GPR39: variants seen among roughly 807,000 people sequenced by gnomAD.
GPR39 encodes the protein G protein-coupled receptor 39.
GPR39 carries 23 observed loss-of-function variants against 18.4 expected under a neutral mutation model. The ratio of observed to expected loss-of-function variants is 1.25; its 90% confidence interval spans 0.90 to 1.77. The LOEUF (loss-of-function observed/expected upper bound fraction) is 1.77. Among genes scored for constraint, GPR39 ranks in the 40% most tolerant of loss-of-function variants. The pLI is 0.00. For synonymous variants in GPR39, 280 were observed against 257.9 expected, an observed-to-expected ratio of 1.09 and a Z score of -0.82; for missense variants, 647 against 602.4, an observed-to-expected ratio of 1.07 and a Z score of -0.78.
chr2:132,469,753 A>T (rs1680996720), intron 1 of GPR39, among the ~76,000 whole-genome samples: 1 of 152,190 alleles, frequency 6.6e-6, no homozygotes, highest in South Asian at 2.1e-4. Context: ...ATTACTGTTA[A>T]TAGGAGCCTC....
chr2:132,614,245 C>T (rs937223931), intron 1 of GPR39, among the ~76,000 whole-genome samples: 21 of 150,874 alleles, frequency 1.4e-4, no homozygotes, highest in African/African-American at 3.2e-4. Context: ...CTTGCTCTGT[C>T]GCACAGACTG....
At chr2:132,482,660 T>C (rs1681257185) in intron 1 of GPR39, among the ~76,000 whole-genome samples, 1 of 152,188 alleles carries the variant, frequency 6.6e-6, no homozygotes. Flanking sequence ...TAATTTACAT[T>C]CCCTCACAAA....
At chr2:132,441,916 T>C (rs774021037) in intron 1 of GPR39, among the ~76,000 whole-genome samples, 1 of 152,198 alleles carries the variant, frequency 6.6e-6, no homozygotes, top group Non-Finnish European at 1.5e-5. Flanking sequence ...TTCACCTGCT[T>C]CTGGAGATGA....
At chr2:132,455,397 G>T (rs547406413) in intron 1 of GPR39, among the ~76,000 whole-genome samples, 102 of 152,048 alleles carry the variant, frequency 6.7e-4, no homozygotes, top group Admixed American at 9.2e-4. Context: ...TCTTGCTAGT[G>T]GTCTATCAAT....
intron 1 of GPR39, among the ~76,000 whole-genome samples, chr2:132,479,840 C>T (rs986001842): frequency 2.0e-5 from 3 of 151,718 alleles, no homozygotes; most frequent in Admixed American, 2.0e-4. Context: ...ATCTAGCAAT[C>T]CCACTTCTGG....
chr2:132,450,005 C>T (rs1680605110), intron 1 of GPR39, among the ~76,000 whole-genome samples: 1 of 152,168 alleles, frequency 6.6e-6, no homozygotes, highest in African/African-American at 2.4e-5. Flanking sequence ...AAAAGGCAGG[C>T]CAGGCAGAAA....
At chr2:132,604,853 T>C (rs773245332) in intron 1 of GPR39, 1 of 152,188 alleles carries the variant, frequency 6.6e-6, no homozygotes, top group Admixed American at 6.5e-5. Context: ...GCTTGGAAAG[T>C]AAGGAGCAGC....
intron 1 of GPR39, among the ~76,000 whole-genome samples, chr2:132,524,270 C>T (rs1354353163): frequency 6.6e-6 from 1 of 152,210 alleles, no homozygotes; most frequent in Non-Finnish European, 1.5e-5. Context: ...GCACTTTGTT[C>T]ACAATCCATC....
chr2:132,635,897 ATG>A (rs1370654116), intron 1 of GPR39, among the ~76,000 whole-genome samples: 1 of 152,192 alleles, frequency 6.6e-6, no homozygotes, highest in Non-Finnish European at 1.5e-5. Flanking sequence ...ATGTCGGAGA[ATG>A]CAGAGAGATG....
chr2:132,459,004 G>A (rs890289722), intron 1 of GPR39, among the ~76,000 whole-genome samples: 7 of 152,148 alleles, frequency 4.6e-5, no homozygotes, highest in African/African-American at 1.7e-4. Context: ...CTGCATTTTA[G>A]AGCCCATTTC....
chr2:132,581,958 AT>A (rs895165014), intron 1 of GPR39, among the ~76,000 whole-genome samples: 1 of 152,230 alleles, frequency 6.6e-6, no homozygotes, highest in African/African-American at 2.4e-5. Flanking sequence ...AAAAAAAAGA[AT>A]TCAAACTAGT....
intron 1 of GPR39, among the ~76,000 whole-genome samples, chr2:132,486,424 A>G (rs192425579): frequency 6.6e-6 from 1 of 152,364 alleles, no homozygotes; most frequent in East Asian, 1.9e-4. Context: ...TAGCTATGAA[A>G]GTCCTAGATG....
chr2:132,540,473 G>A (rs1218821587), intron 1 of GPR39, among the ~76,000 whole-genome samples: 2 of 152,136 alleles, frequency 1.3e-5, no homozygotes, highest in Non-Finnish European at 2.9e-5. Flanking sequence ...TCCTGACACT[G>A]TCATTAACTG....
In GPR39 at chr2:132,608,083, A is replaced by G. The variant is rs561230093; in HGVS notation, c.857-37018A>G. Reference sequence around the variant, plus strand: ...ATTTTTCTCCTACTGGAAGATCAGCAATTTCAGGGGCAAAGAAAAAAGAAA... The same window carrying G: ...ATTTTTCTCCTACTGGAAGATCAGCGATTTCAGGGGCAAAGAAAAAAGAAA... On this transcript the variant is annotated intron_variant, in intron 1 of 1. Transcript: ENST00000329321. 2.6e-5 allele frequency among the ~76,000 whole-genome samples: 4 copies of G among 152,336 alleles called. No homozygotes were observed. In the East Asian group the frequency reaches 7.7e-4, roughly 29 times the overall value.
intron 1 of GPR39, among the ~76,000 whole-genome samples, chr2:132,580,864 A>G (rs1434299913): frequency 6.6e-6 from 1 of 150,868 alleles, no homozygotes; most frequent in Admixed American, 6.6e-5. Flanking sequence ...CAGGAGGCTG[A>G]GGCAGGAGAA....
At chr2:132,536,003 T>C (rs1679751476) in intron 1 of GPR39, among the ~76,000 whole-genome samples, 1 of 95,198 alleles carries the variant, frequency 1.1e-5, no homozygotes, top group African/African-American at 3.8e-5. Flanking sequence ...ATTTTGTTAA[T>C]TTTTTCAAAA....
intron 1 of GPR39, among the ~76,000 whole-genome samples, chr2:132,616,779 CCA>C (rs1236244358): frequency 6.6e-6 from 1 of 152,128 alleles, no homozygotes; most frequent in African/African-American, 2.4e-5. Context: ...ATTTCTTTTA[CCA>C]CTTTCCCAGA....
At chr2:132,496,304 A>G (rs1021997154) in intron 1 of GPR39, among the ~76,000 whole-genome samples, 1 of 152,196 alleles carries the variant, frequency 6.6e-6, no homozygotes, top group Non-Finnish European at 1.5e-5. Flanking sequence ...ATATCAGAGT[A>G]CAGTATCATA....
Position 132,417,859 on chromosome 2 carries a change from G to C in GPR39, c.817G>C (p.Glu273Gln). 2 of 1,609,082 alleles carry C rather than the reference G, an allele frequency of 1.2e-6. No homozygotes were observed. The highest frequency in any genetic ancestry group is 2.2e-5 in the South Asian group (2 of 90,958). ...GCAGCTGAGGAAGTCCGAGAGCGAAGAGAGCAGGACCGCCAGGAGGCAGAC... is the reference window on the plus strand; with the variant it reads ...GCAGCTGAGGAAGTCCGAGAGCGAACAGAGCAGGACCGCCAGGAGGCAGAC... The part of the protein sequence containing the change: ...PPQLRKSESE[E>Q]SRTARRQTII... The change falls in exon 1 of 2, where the codon GAG (glutamate) becomes CAG (glutamine). Residue 273 changes from glutamate (E) to glutamine (Q), a missense_variant. By Grantham distance (29) the Glu-to-Gln change is conservative (BLOSUM62 2). Coordinates refer to ENST00000329321, the MANE Select transcript of GPR39 (RefSeq NM_001508.3).
Sources: gnomAD v4.1 joint callset for allele counts (sites outside exome capture counted in the v4.1 genomes callset) on GRCh38, gnomAD v4.1.1 for gene constraint, MANE v1.5 for transcripts, NCBI Gene and HGNC (gene_info 2026-07-23, HGNC 2026-07-21) for gene names.